Variants in NR3C1 observed in about 807,000 individuals in gnomAD.
The protein encoded by NR3C1 is nuclear receptor subfamily 3 group C member 1.
Under a neutral mutation model 74.0 loss-of-function variants are expected in NR3C1, and 14 were observed. The ratio of observed to expected loss-of-function variants is 0.19; its 90% CI spans 0.12 to 0.30. The LOEUF is 0.30. Among genes scored for constraint, NR3C1 ranks in the 10% least tolerant of loss-of-function variants. The pLI is 1.00. For synonymous variants in NR3C1, 308 were observed against 332.5 expected (o/e 0.93, Z 0.80); for missense variants, 695 against 909.8 (o/e 0.76, Z 3.04).
chr5:143,343,834 C>G (rs945315164), intron 2 of NR3C1, among the ~76,000 whole-genome samples: 3 of 152,184 alleles, frequency 2.0e-5, no homozygotes, highest in Admixed American at 6.5e-5. Flanking sequence ...TAGATTTTAT[C>G]ATGACCTCTA....
intron 2 of NR3C1, among the ~76,000 whole-genome samples, chr5:143,324,572 C>T (rs1249553199): frequency 6.6e-6 from 1 of 152,160 alleles, no homozygotes; most frequent in East Asian, 1.9e-4. Flanking sequence ...CTGACATGGC[C>T]ATGGAGACAT....
chr5:143,426,846 C>T (rs572684183), intron 1 of NR3C1, among the ~76,000 whole-genome samples: 1 of 152,336 alleles, frequency 6.6e-6, no homozygotes, highest in South Asian at 2.1e-4. Context: ...TGTGCTACTG[C>T]AGCCTTTCAG....
rs562713766 is a variant in NR3C1 at position 143,387,170 on chromosome 5, C to T, written c.1184+12486G>A. Among the ~76,000 whole-genome samples the T allele has an allele frequency of 1.3e-4, 20 of 152,344 alleles. No homozygotes were observed. In the South Asian group the frequency reaches 3.9e-3, roughly 30 times the overall value. The stretch of plus-strand genomic sequence containing the variant: ...CAGGGAACAGAAACTTAATTCCCTT[C>T]TGGCTTCCAGCCTTTCTACCTTACT... On this transcript the variant is annotated intron_variant, in intron 2 of 8. Coordinates refer to ENST00000394464, the MANE Select transcript of NR3C1 (RefSeq NM_000176.3).
intron 2 of NR3C1, among the ~76,000 whole-genome samples, chr5:143,363,871 T>C (rs1832719327): frequency 6.6e-6 from 1 of 151,466 alleles, no homozygotes; most frequent in African/African-American, 2.4e-5. Flanking sequence ...GAAAAAAGAA[T>C]GGGGAGGAAA....
intron 2 of NR3C1, among the ~76,000 whole-genome samples, chr5:143,324,501 G>A (rs550264520): frequency 3.3e-5 from 5 of 152,302 alleles, no homozygotes; most frequent in African/African-American, 1.2e-4. Flanking sequence ...CCTGGCCCAC[G>A]AAACCACTTT....
At chr5:143,327,252 C>A (rs1367547405) in intron 2 of NR3C1, among the ~76,000 whole-genome samples, 1 of 152,086 alleles carries the variant, frequency 6.6e-6, no homozygotes, top group African/African-American at 2.4e-5. Context: ...AGGGAAACTG[C>A]CACATTTAAA....
chr5:143,413,143 T>C (rs1352682387), intron 1 of NR3C1, among the ~76,000 whole-genome samples: 2 of 152,114 alleles, frequency 1.3e-5, no homozygotes, highest in South Asian at 4.1e-4. Flanking sequence ...CGGTTACAAG[T>C]CATTATAGAA....
rs879273391 is a variant in NR3C1, at chr5:143,311,773, C to T, written c.1352-1560G>A. On this transcript the variant is annotated intron_variant, in intron 3 of 8. Transcript: ENST00000394464. Reference sequence around the variant, plus strand: ...TCCTGAGTAGCTGAGACTACAGGTGCGATGCCTGGATAACGTTTTTTTTTT... The same window carrying T: ...TCCTGAGTAGCTGAGACTACAGGTGTGATGCCTGGATAACGTTTTTTTTTT... Among the ~76,000 whole-genome samples, 21 of 146,932 alleles carry T rather than the reference C, an allele frequency of 1.4e-4. 1 individual carries two copies. Among genetic ancestry groups the T allele is most frequent in the South Asian group, 6.4e-4 (3 of 4,684 alleles).
chr5:143,364,007 A>G (rs1204607478), intron 2 of NR3C1, among the ~76,000 whole-genome samples: 1 of 152,202 alleles, frequency 6.6e-6, no homozygotes, highest in African/African-American at 2.4e-5. Flanking sequence ...TGGCAAAAGA[A>G]CTTGACACAT....
intron 2 of NR3C1, among the ~76,000 whole-genome samples, chr5:143,349,505 C>T (rs1317980627): frequency 7.2e-5 from 11 of 152,170 alleles, no homozygotes; most frequent in Admixed American, 2.0e-4. Context: ...CCACTGTTAT[C>T]AGATAGTGGA....
chr5:143,404,390 G>C (rs527888181), upstream of NR3C1: 141 of 985,518 alleles, frequency 1.4e-4, 1 homozygote, highest in African/African-American at 2.3e-3. Flanking sequence ...GGCCCGGGGG[G>C]AGTCGCGTGC....
At chr5:143,365,653 A>G (rs970041476) in intron 2 of NR3C1, among the ~76,000 whole-genome samples, 4 of 152,216 alleles carry the variant, frequency 2.6e-5, no homozygotes, top group Admixed American at 1.3e-4. Context: ...GAACAGAACT[A>G]TGTACCAACA....
At chr5:143,404,186 G>C, upstream of NR3C1, 4 of 985,420 alleles carry the variant, frequency 4.1e-6, no homozygotes, top group African/African-American at 1.7e-5. Context: ...CCGCGGCTGA[G>C]CTGCGTGAGT....
In NR3C1 at chr5:143,403,415, A is replaced by G. The variant is rs1840732072; in HGVS notation, c.-218T>C. On this transcript the variant is annotated 5_prime_UTR_variant, in exon 1 of 9. Coordinates refer to ENST00000394464, the MANE Select transcript of NR3C1 (RefSeq NM_000176.3). ...TCTCCCATTGCCCAGCTGACAAGCC[A>G]GCCCTCCGCCCCGCGCCGGGCTCCG... 1.0e-6 allele frequency: 1 copy of G among 983,478 alleles called. No homozygotes were observed. The highest frequency in any genetic ancestry group is 1.2e-6 in the Non-Finnish European group (1 of 829,496). The allele number at this position is 983,478 out of a possible 1,614,324, so 60.9% of individuals were successfully genotyped here. A position where few individuals can be genotyped will look rare whatever the true frequency, so the allele number is the denominator to read the frequency against.
intron 2 of NR3C1, among the ~76,000 whole-genome samples, chr5:143,325,029 CTT>C (rs1232908710): frequency 6.6e-6 from 1 of 152,250 alleles, no homozygotes; most frequent in Non-Finnish European, 1.5e-5. Flanking sequence ...AGGTTCCTAA[CTT>C]TCCCACATTT....
intron 2 of NR3C1, among the ~76,000 whole-genome samples, chr5:143,358,035 C>T (rs1831493347): frequency 6.6e-6 from 1 of 152,182 alleles, no homozygotes; most frequent in South Asian, 2.1e-4. Context: ...CATCTGAAAA[C>T]AGAAAAGTTA....
At chr5:143,422,135 C>A (rs1306687651) in intron 1 of NR3C1, among the ~76,000 whole-genome samples, 1 of 152,146 alleles carries the variant, frequency 6.6e-6, no homozygotes, top group African/African-American at 2.4e-5. Context: ...GACATCTCAC[C>A]AAGCTCTCCC....
At chr5:143,410,241 C>G (rs140035448) in intron 1 of NR3C1, among the ~76,000 whole-genome samples, 1 of 152,164 alleles carries the variant, frequency 6.6e-6, no homozygotes, top group African/African-American at 2.4e-5. Flanking sequence ...TCAATCTGCC[C>G]CGCTGCTATG....
At chr5:143,298,554 T>C in intron 6 of NR3C1, 114 bp downstream of exon 6, 4 of 1,172,840 alleles carry the variant, frequency 3.4e-6, no homozygotes, top group South Asian at 1.3e-5. Context: ...AGATCCTAGA[T>C]ACCTAGTAGG....
Sources: gnomAD v4.1 joint callset for allele counts (sites outside exome capture counted in the v4.1 genomes callset) on GRCh38, gnomAD v4.1.1 for gene constraint, MANE v1.5 for transcripts, NCBI Gene and HGNC (gene_info 2026-07-23, HGNC 2026-07-21) for gene names.